ABI3BP: variants seen among roughly 807,000 people sequenced by gnomAD.
ABI3BP encodes the protein target of Nesh-SH3.
ABI3BP carries 216 observed loss-of-function variants against 268.6 expected under a neutral mutation model. The observed-to-expected ratio is 0.80, with a 90% CI of 0.72 to 0.90. ABI3BP has a LOEUF of 0.90. ABI3BP is among the 40% of genes least tolerant of loss of function. The probability of loss-of-function intolerance (pLI) is 0.00; values close to 1 mark genes in which losing one functional copy is unlikely to be tolerated. For synonymous variants in ABI3BP, 730 were observed against 730.0 expected (o/e 1.00, Z 0.00); for missense variants, 2,090 against 2,182.4 (o/e 0.96, Z 0.84).
chr3:100,926,230 ATTTGTAGGTCATGTTACACCCCCCC>A, intron 2 of ABI3BP, 47 bp downstream of exon 2: 2 of 1,493,334 alleles, frequency 1.3e-6, no homozygotes, highest in Non-Finnish European at 9.2e-7. Flanking sequence ...TGACATCAAG[ATTTGTAGGTCATGTTACACCCCCCC>A]ACCTCTTACC....
intron 2 of ABI3BP, among the ~76,000 whole-genome samples, chr3:100,915,862 C>T (rs140053251): frequency 6.6e-6 from 1 of 152,282 alleles, no homozygotes; most frequent in East Asian, 1.9e-4. Context: ...TTGGGAGCAT[C>T]TCCTTCAGCT....
chr3:100,954,790 T>C (rs1023576070), intron 1 of ABI3BP, among the ~76,000 whole-genome samples: 1 of 152,030 alleles, frequency 6.6e-6, no homozygotes, highest in Non-Finnish European at 1.5e-5. Flanking sequence ...TGAACCCTTT[T>C]CCTCTACAAT....
intron 34 of ABI3BP, 121 bp downstream of exon 34, chr3:100,828,272 C>A: frequency 1.2e-6 from 1 of 834,418 alleles, no homozygotes; most frequent in Non-Finnish European, 1.9e-6. Flanking sequence ...CAAGAGGCAA[C>A]TTGTTTTATG....
At chr3:100,927,723 G>A (rs1179499601) in intron 1 of ABI3BP, among the ~76,000 whole-genome samples, 1 of 152,086 alleles carries the variant, frequency 6.6e-6, no homozygotes, top group Non-Finnish European at 1.5e-5. Context: ...AACCACCCTT[G>A]TGATCCAATC....
intron 2 of ABI3BP, among the ~76,000 whole-genome samples, chr3:100,909,281 C>T (rs549821827): frequency 1.6e-4 from 25 of 151,888 alleles, no homozygotes; most frequent in African/African-American, 3.6e-4. Flanking sequence ...AAGACTGAAA[C>T]GTAAGACCCA....
At chr3:100,903,308 A>T (rs2051389865) in intron 2 of ABI3BP, among the ~76,000 whole-genome samples, 1 of 152,244 alleles carries the variant, frequency 6.6e-6, no homozygotes, top group South Asian at 2.1e-4. Flanking sequence ...ATCTCAGGAT[A>T]TTTAAGTTTT....
chr3:100,758,942 C>G (rs1224458838), intron 63 of ABI3BP, among the ~76,000 whole-genome samples: 2 of 152,170 alleles, frequency 1.3e-5, no homozygotes, highest in Non-Finnish European at 1.5e-5. Context: ...ACCTTCAGAT[C>G]TGGATGGAGC....
intron 1 of ABI3BP, among the ~76,000 whole-genome samples, chr3:100,988,568 G>A (rs942559617): frequency 6.6e-5 from 10 of 152,030 alleles, no homozygotes; most frequent in Non-Finnish European, 1.3e-4. Flanking sequence ...CTCTATTTGG[G>A]TTTCTTATTC....
intron 1 of ABI3BP, among the ~76,000 whole-genome samples, chr3:100,940,829 T>TATATATATAGATATATATAG (rs1244113888): frequency 2.4e-5 from 1 of 41,232 alleles, no homozygotes; most frequent in Non-Finnish European, 4.3e-5. Flanking sequence ...TATATATATA[T>TATATATATAGATATATATAG]ATGATATGAT....
chr3:100,906,247 T>C (rs1040670004), intron 2 of ABI3BP, among the ~76,000 whole-genome samples: 1 of 152,180 alleles, frequency 6.6e-6, no homozygotes, highest in South Asian at 2.1e-4. Context: ...CCAAGACATA[T>C]GGTTATATGA....
intron 3 of ABI3BP, among the ~76,000 whole-genome samples, chr3:100,900,374 A>G (rs139807014): frequency 3.2e-4 from 48 of 152,318 alleles, no homozygotes; most frequent in African/African-American, 1.1e-3. Context: ...GATCTCATTC[A>G]CTTTGCAGAT....
intron 19 of ABI3BP, 32 bp from the exon 20 acceptor site, chr3:100,846,478 A>G: frequency 2.0e-6 from 3 of 1,495,960 alleles, no homozygotes; most frequent in Non-Finnish European, 2.7e-6. Flanking sequence ...ATAATAAACA[A>G]ATCAATATTT....
chr3:100,862,573 C>G, intron 13 of ABI3BP, 188 bp from the exon 14 acceptor site: 1 of 585,512 alleles, frequency 1.7e-6, no homozygotes, highest in Non-Finnish European at 3.0e-6. Flanking sequence ...GATTAGTGGT[C>G]AGAGAGAGAC....
chr3:100,780,025 TC>T, intron 58 of ABI3BP, 106 bp downstream of exon 58: 2 of 930,562 alleles, frequency 2.1e-6, no homozygotes, highest in Non-Finnish European at 3.5e-6. Context: ...TTCTGATACT[TC>T]GGGGGCTGTG....
chr3:100,834,370 T>G (rs2098543374), intron 29 of ABI3BP, among the ~76,000 whole-genome samples: 1 of 152,186 alleles, frequency 6.6e-6, no homozygotes, highest in Admixed American at 6.6e-5. Flanking sequence ...GTTCAAAATG[T>G]GTGACAGGTT....
intron 61 of ABI3BP, among the ~76,000 whole-genome samples, chr3:100,771,184 A>G (rs2096534650): frequency 6.6e-6 from 1 of 152,164 alleles, no homozygotes; most frequent in African/African-American, 2.4e-5. Flanking sequence ...CTAATATCCG[A>G]AAGTAATTTG....
intron 20 of ABI3BP, chr3:100,844,571 A>G (rs10511183): frequency 0.24 from 98,784 of 418,778 alleles, 12,476 homozygotes; most frequent in African/African-American, 0.33. Context: ...TTGCTCTTCC[A>G]AACCTTGGCT....
rs531848027 is a variant in ABI3BP, at chr3:100,971,352, G to A, written c.79+21954C>T. On this transcript the variant is annotated intron_variant, in intron 1 of 67. Coordinates refer to ENST00000471714, the MANE Select transcript of ABI3BP (RefSeq NM_001375547.2). ...AGACAGGCCTGATTCTCTTGAATTA[G>A]GACTTTACATAAGCATCGGTAAATA... Among the ~76,000 whole-genome samples the A allele has an allele frequency of 3.9e-5, 6 of 152,278 alleles. No individual in the cohort carries two copies. The South Asian group carries it at 1.0e-3, about 26-fold the overall frequency.
chr3:100,926,400 A>T lies in ABI3BP; in HGVS notation c.161T>A (p.Val54Glu). 6.2e-7 allele frequency: 1 copy of T among 1,613,516 alleles called. No homozygotes were observed. The highest frequency in any genetic ancestry group is 8.5e-7 in the Non-Finnish European group (1 of 1,179,582). ...TCCCAGGAGAAGACCTTCAAGCTTTACATTTGGACTTGGACGCAAGAACTT... is the reference window on the plus strand; with the variant it reads ...TCCCAGGAGAAGACCTTCAAGCTTTTCATTTGGACTTGGACGCAAGAACTT... Reference protein sequence around the residue: ...LLKFLRPSPNVKLEGLLLGYG... With the variant: ...LLKFLRPSPNEKLEGLLLGYG... The change falls in exon 2 of 68, where the codon GTA becomes GAA. Residue 54 changes from valine to glutamate, a missense_variant. Val to Glu is a moderately radical substitution (Grantham distance 121). Transcript: ENST00000471714.
Sources: gnomAD v4.1 joint callset for allele counts (sites outside exome capture counted in the v4.1 genomes callset) on GRCh38, gnomAD v4.1.1 for gene constraint, MANE v1.5 for transcripts, NCBI Gene and HGNC (gene_info 2026-07-23, HGNC 2026-07-21) for gene names.